The following DHRSX variants were observed in gnomAD, a reference collection of about 807,000 sequenced individuals.
The protein encoded by DHRSX is polyprenol dehydrogenase.
Under a neutral mutation model 34.0 loss-of-function variants are expected in DHRSX, and 31 were observed. That is an observed-to-expected ratio of 0.91 (90% CI 0.69 to 1.23). DHRSX has a LOEUF of 1.23. DHRSX is among the 50% of genes most tolerant of loss of function. The pLI is 0.00. For missense variants in DHRSX, 414 were observed against 428.1 expected, an observed-to-expected ratio of 0.97 and a Z score of 0.29; for synonymous variants, 201 against 183.8, an observed-to-expected ratio of 1.09 and a Z score of -0.76.
chrX:2,451,794 C>G (rs774704207), intron 1 of DHRSX, among the ~76,000 whole-genome samples: 1 of 152,222 alleles, frequency 6.6e-6, no homozygotes, highest in South Asian at 2.1e-4. Flanking sequence ...GCCAAGGGAC[C>G]GCCACTGTGT....
intron 3 of DHRSX, among the ~76,000 whole-genome samples, chrX:2,370,873 G>A (rs1309809585): frequency 6.6e-6 from 1 of 152,146 alleles, no homozygotes. Flanking sequence ...CTCAAAATTA[G>A]CTATGCAGCC....
intron 2 of DHRSX, 22 bp downstream of exon 2, chrX:2,425,175 A>C: frequency 4.5e-6 from 7 of 1,565,190 alleles, no homozygotes; most frequent in East Asian, 2.2e-5. Context: ...CAAAAAACAC[A>C]AGTAACTGTA....
At chrX:2,360,370 G>A (rs1213141421) in intron 3 of DHRSX, among the ~76,000 whole-genome samples, 1 of 152,272 alleles carries the variant, frequency 6.6e-6, no homozygotes, top group South Asian at 2.1e-4. Flanking sequence ...GGATCACGAG[G>A]GCAGGAGTTC....
chrX:2,498,083 T>C (rs2045325821), intron 1 of DHRSX, among the ~76,000 whole-genome samples: 1 of 152,210 alleles, frequency 6.6e-6, no homozygotes, highest in Non-Finnish European at 1.5e-5. Context: ...ATCTTGTTTT[T>C]CCATGATGAA....
intron 3 of DHRSX, among the ~76,000 whole-genome samples, chrX:2,366,845 C>T (rs1173874049): frequency 3.3e-5 from 5 of 152,024 alleles, no homozygotes; most frequent in African/African-American, 7.2e-5. Context: ...GTGATGCTCC[C>T]GCCTTGGCCT....
At chrX:2,414,558 C>A (rs2043670291) in intron 2 of DHRSX, among the ~76,000 whole-genome samples, 1 of 151,786 alleles carries the variant, frequency 6.6e-6, no homozygotes, top group Non-Finnish European at 1.5e-5. Context: ...CTAATTATAT[C>A]TCATCATGAC....
chrX:2,276,634 C>A (rs2041655983), intron 4 of DHRSX, among the ~76,000 whole-genome samples: 1 of 151,650 alleles, frequency 6.6e-6, no homozygotes, highest in African/African-American at 2.4e-5. Context: ...GCAGTGAACA[C>A]AGGTGAGGTG....
intron 6 of DHRSX, among the ~76,000 whole-genome samples, chrX:2,236,344 C>A (rs902769331): frequency 2.6e-5 from 4 of 152,006 alleles, no homozygotes; most frequent in Admixed American, 6.6e-5. Flanking sequence ...GAAGGGCGTG[C>A]GTGGAGGAGG....
intron 1 of DHRSX, among the ~76,000 whole-genome samples, chrX:2,497,513 A>C (rs1283390802): frequency 6.6e-6 from 1 of 152,242 alleles, no homozygotes; most frequent in Non-Finnish European, 1.5e-5. Context: ...GTTAAAAAAA[A>C]AATAGTTTGA....
chrX:2,468,052 C>A (rs1486945976), intron 1 of DHRSX, among the ~76,000 whole-genome samples: 3 of 151,902 alleles, frequency 2.0e-5, no homozygotes, highest in African/African-American at 7.3e-5. Flanking sequence ...GGCCCTGGAA[C>A]TGCACAGGCC....
intron 3 of DHRSX, among the ~76,000 whole-genome samples, chrX:2,314,441 GGAAGGGGA>G (rs1434979493): frequency 2.5e-5 from 3 of 119,086 alleles, no homozygotes; most frequent in African/African-American, 1.5e-4. Flanking sequence ...AAGGGAGGAA[GGAAGGGGA>G]GAAGGGAGGA....
At chrX:2,478,783 G>A (rs1392499767) in intron 1 of DHRSX, among the ~76,000 whole-genome samples, 3 of 151,916 alleles carry the variant, frequency 2.0e-5, no homozygotes, top group African/African-American at 4.8e-5. Context: ...AGGCACTGAC[G>A]ACGTTCCCTT....
At chrX:2,431,705 C>T (rs2043925249) in intron 1 of DHRSX, among the ~76,000 whole-genome samples, 1 of 152,102 alleles carries the variant, frequency 6.6e-6, no homozygotes, top group Non-Finnish European at 1.5e-5. Context: ...AGGTAAACAT[C>T]AAGTACAGAT....
intron 5 of DHRSX, among the ~76,000 whole-genome samples, chrX:2,262,661 G>A (rs2041379623): frequency 6.6e-6 from 1 of 152,186 alleles, no homozygotes. Context: ...CCGGCCACAG[G>A]CCCTGCTCTC....
chrX:2,248,425 T>C (rs1408379852), intron 5 of DHRSX, among the ~76,000 whole-genome samples: 1 of 110,114 alleles, frequency 9.1e-6, no homozygotes, highest in Admixed American at 1.1e-4. Context: ...AGAGCGAGAC[T>C]CTGTCTCAAA....
At chrX:2,287,838 G>C (rs1353306496) in intron 4 of DHRSX, among the ~76,000 whole-genome samples, 2 of 152,320 alleles carry the variant, frequency 1.3e-5, no homozygotes, top group East Asian at 3.9e-4. Flanking sequence ...TGGCTCTAAA[G>C]ATGTCCACAG....
chrX:2,320,773 GAC>G (rs1212532769), intron 3 of DHRSX, among the ~76,000 whole-genome samples: 6 of 151,620 alleles, frequency 4.0e-5, no homozygotes, highest in Admixed American at 1.3e-4. Context: ...CACAATCAGA[GAC>G]AGTCACTGCC....
intron 3 of DHRSX, among the ~76,000 whole-genome samples, chrX:2,304,053 A>ATGGG (rs2042059249): frequency 8.5e-6 from 1 of 117,588 alleles, no homozygotes; most frequent in Non-Finnish European, 1.9e-5. Context: ...GGATGGATGG[A>ATGGG]TGGATGGATG....
intron 1 of DHRSX, chrX:2,489,798 G>A (rs769730592): frequency 6.2e-7 from 1 of 1,613,528 alleles, no homozygotes; most frequent in Non-Finnish European, 8.5e-7. Context: ...AGCGCCCCCA[G>A]CTTCGGGAGC....
Sources: gnomAD v4.1 joint callset for allele counts (sites outside exome capture counted in the v4.1 genomes callset) on GRCh38, gnomAD v4.1.1 for gene constraint, MANE v1.5 for transcripts, NCBI Gene and HGNC (gene_info 2026-07-23, HGNC 2026-07-21) for gene names.